PHKB: variants seen among roughly 807,000 people sequenced by gnomAD.
PHKB encodes the protein phosphorylase b kinase regulatory subunit beta.
In PHKB, 122 loss-of-function variants were observed where a neutral mutation model predicts 152.1. The ratio of observed to expected loss-of-function variants is 0.80; its 90% CI spans 0.69 to 0.93. The LOEUF is 0.93. Ranked by LOEUF, PHKB falls within the 40% of genes least tolerant of loss-of-function variation. The pLI is 0.00. For missense variants in PHKB, 1,304 were observed against 1,328.4 expected, an observed-to-expected ratio of 0.98 and a Z score of 0.29; for synonymous variants, 436 against 464.9, an observed-to-expected ratio of 0.94 and a Z score of 0.80.
intron 14 of PHKB, among the ~76,000 whole-genome samples, chr16:47,613,147 A>G (rs1335836417): frequency 6.6e-6 from 1 of 152,194 alleles, no homozygotes; most frequent in African/African-American, 2.4e-5. Context: ...GCCCTCAGCC[A>G]CTGTAATTCA....
At chr16:47,696,535 C>A (rs1051327554) in intron 29 of PHKB, 47 bp downstream of exon 29, 1 of 1,052,128 alleles carries the variant, frequency 9.5e-7, no homozygotes, top group Admixed American at 1.7e-5. Flanking sequence ...CTTCTCTCTG[C>A]TCCGTGAAAA....
Position 47,664,228 on chromosome 16 carries a change from G to GA in PHKB, c.2336+505dup, listed in dbSNP as rs930098618. 1.3e-3 allele frequency: 187 copies of GA among 144,308 alleles called. 1 individual carries two copies. The highest frequency in any genetic ancestry group is 3.2e-3 in the South Asian group (15 of 4,628). 8.9% of individuals were successfully genotyped at this position (144,308 alleles called of 1,614,324 possible). A position where few individuals can be genotyped will look rare whatever the true frequency, so the allele number is the denominator to read the frequency against. ...CAGAGGTAGTCTGTTCCCAGAGATT[G>GA]AAAAAAAAAAAGATGTAGGAAAGTT... On this transcript the variant is annotated intron_variant, in intron 24 of 30. Transcript: ENST00000323584.
intron 6 of PHKB, among the ~76,000 whole-genome samples, chr16:47,538,650 C>T (rs191523704): frequency 2.0e-5 from 3 of 152,294 alleles, no homozygotes; most frequent in Admixed American, 6.5e-5. Flanking sequence ...CATGAGATAA[C>T]CTGGGTAGAC....
intron 6 of PHKB, among the ~76,000 whole-genome samples, chr16:47,519,814 G>T (rs1413017037): frequency 6.6e-6 from 1 of 152,120 alleles, no homozygotes; most frequent in South Asian, 2.1e-4. Context: ...GTTTTTAGTT[G>T]AACTTCGTTA....
At chr16:47,620,549 T>C (rs1249773510) in intron 14 of PHKB, among the ~76,000 whole-genome samples, 2 of 152,194 alleles carry the variant, frequency 1.3e-5, no homozygotes, top group African/African-American at 4.8e-5. Context: ...CTTCATTCTT[T>C]CCCACAGTAT....
chr16:47,546,154 C>T (rs1026465018), intron 6 of PHKB, among the ~76,000 whole-genome samples: 3 of 152,168 alleles, frequency 2.0e-5, no homozygotes, highest in African/African-American at 7.2e-5. Context: ...AGCTACGGTT[C>T]TTTGGAGAAG....
chr16:47,670,975 T>A (rs1470599093), intron 26 of PHKB, among the ~76,000 whole-genome samples: 3 of 152,166 alleles, frequency 2.0e-5, no homozygotes, highest in Non-Finnish European at 4.4e-5. Flanking sequence ...TATTATCATC[T>A]GGTCCGTCTT....
intron 1 of PHKB, among the ~76,000 whole-genome samples, chr16:47,470,722 A>G (rs2151627925): frequency 6.6e-6 from 1 of 152,324 alleles, no homozygotes; most frequent in Non-Finnish European, 1.5e-5. Flanking sequence ...TATAGTGCCT[A>G]GTACTCCATA....
At position 47,693,376 on chromosome 16, in the gene PHKB, A is replaced by G; in HGVS notation, c.2766-2A>G. 6.2e-7 allele frequency: 1 copy of G among 1,614,030 alleles called. No homozygotes were observed. Among genetic ancestry groups the G allele is most frequent in the Non-Finnish European group, 8.5e-7 (1 of 1,179,952 alleles). ...CTCTGAGACATTTGCCTTTTGTTAC[A>G]GATGTTGGCTGAACAGGCGTCAGAT... On this transcript the variant is annotated splice_acceptor_variant, in intron 27 of 30. Coordinates refer to ENST00000323584, the MANE Select transcript of PHKB (RefSeq NM_000293.3). LOFTEE classifies it high-confidence loss of function.
intron 26 of PHKB, among the ~76,000 whole-genome samples, chr16:47,680,604 C>T (rs1482524884): frequency 2.6e-5 from 4 of 152,108 alleles, no homozygotes; most frequent in Admixed American, 6.6e-5. Flanking sequence ...TCTGTGGGAT[C>T]GGTGGTGATA....
chr16:47,470,380 T>G (rs1394454504), intron 1 of PHKB, among the ~76,000 whole-genome samples: 1 of 152,212 alleles, frequency 6.6e-6, no homozygotes, highest in Non-Finnish European at 1.5e-5. Context: ...CATGCTATTG[T>G]TGTATGGCTT....
chr16:47,499,726 G>A (rs1363196266), intron 2 of PHKB, 30 bp from the exon 3 acceptor site: 5 of 1,613,672 alleles, frequency 3.1e-6, no homozygotes, highest in Non-Finnish European at 4.2e-6. Context: ...TGACTGTACA[G>A]TTCATTCTTT....
chr16:47,620,195 GCC>G (rs1972592764), intron 14 of PHKB, among the ~76,000 whole-genome samples: 1 of 152,080 alleles, frequency 6.6e-6, no homozygotes, highest in East Asian at 1.9e-4. Context: ...ACATAAATAA[GCC>G]ATTCTAGTGT....
intron 6 of PHKB, among the ~76,000 whole-genome samples, chr16:47,516,221 C>G (rs995975182): frequency 6.6e-6 from 1 of 152,110 alleles, no homozygotes; most frequent in Non-Finnish European, 1.5e-5. Context: ...CCACCGTGCC[C>G]GGCCTCTTTC....
intron 6 of PHKB, among the ~76,000 whole-genome samples, chr16:47,525,076 A>G (rs1349362695): frequency 2.0e-5 from 3 of 152,200 alleles, no homozygotes; most frequent in African/African-American, 7.2e-5. Context: ...AATTTTCAGT[A>G]GAATTTTTAT....
At chr16:47,688,553 G>A (rs1974004529) in intron 26 of PHKB, among the ~76,000 whole-genome samples, 2 of 151,982 alleles carry the variant, frequency 1.3e-5, no homozygotes, top group Non-Finnish European at 2.9e-5. Context: ...CACCCCAAAG[G>A]AATGACTACA....
intron 3 of PHKB, among the ~76,000 whole-genome samples, chr16:47,500,252 T>C (rs1970303059): frequency 6.6e-6 from 1 of 152,158 alleles, no homozygotes; most frequent in South Asian, 2.1e-4. Context: ...CAGGCTGGTC[T>C]CGAAATCTTG....
chr16:47,631,559 A>G (rs1487100312), intron 14 of PHKB, among the ~76,000 whole-genome samples: 1 of 152,168 alleles, frequency 6.6e-6, no homozygotes, highest in Non-Finnish European at 1.5e-5. Flanking sequence ...TGCATGTGCC[A>G]TGGTGGTTTG....
At chr16:47,479,840 T>A (rs1330831191) in intron 1 of PHKB, among the ~76,000 whole-genome samples, 1 of 152,188 alleles carries the variant, frequency 6.6e-6, no homozygotes, top group Non-Finnish European at 1.5e-5. Flanking sequence ...GATCCATGGC[T>A]GTTTTTGCAG....
Sources: gnomAD v4.1 joint callset for allele counts (sites outside exome capture counted in the v4.1 genomes callset) on GRCh38, gnomAD v4.1.1 for gene constraint, MANE v1.5 for transcripts, NCBI Gene and HGNC (gene_info 2026-07-23, HGNC 2026-07-21) for gene names.